Variants in FRMD6 observed in about 807,000 individuals in gnomAD.
FRMD6 encodes FERM domain containing 6.
Under a neutral mutation model 73.2 loss-of-function variants are expected in FRMD6, and 37 were observed. The observed-to-expected ratio is 0.51, with a 90% CI of 0.39 to 0.66. The LOEUF (loss-of-function observed/expected upper bound fraction) is 0.66. FRMD6 is among the 30% of genes least tolerant of loss of function. The probability of loss-of-function intolerance (pLI) is 0.00; values close to 1 mark genes in which losing one functional copy is unlikely to be tolerated. For missense variants in FRMD6, 714 were observed against 780.5 expected, an observed-to-expected ratio of 0.91 and a Z score of 1.02; for synonymous variants, 273 against 282.2, an observed-to-expected ratio of 0.97 and a Z score of 0.33.
intron 2 of FRMD6, among the ~76,000 whole-genome samples, chr14:51,691,588 A>ATTTTTTTTTTTTTTT (rs758677611): frequency 4.0e-5 from 3 of 75,148 alleles, no homozygotes; most frequent in Non-Finnish European, 8.4e-5. Flanking sequence ...TTTGATTTTG[A>ATTTTTTTTTTTTTTT]TTTTTTTTTT....
intron 1 of FRMD6, among the ~76,000 whole-genome samples, chr14:51,536,418 A>T (rs1787882982): frequency 6.8e-6 from 1 of 146,938 alleles, no homozygotes; most frequent in Non-Finnish European, 1.5e-5. Flanking sequence ...TAATTTATTT[A>T]TTTATTTTAT....
intron 2 of FRMD6, among the ~76,000 whole-genome samples, chr14:51,634,620 A>G (rs894145228): frequency 3.9e-5 from 6 of 152,250 alleles, no homozygotes; most frequent in East Asian, 1.9e-4. Flanking sequence ...GGAAAAAAAA[A>G]AGATAAATTT....
chr14:51,706,521 T>G (rs72675836), intron 6 of FRMD6, among the ~76,000 whole-genome samples: 7,543 of 152,160 alleles, frequency 0.05, 203 homozygotes, highest in Middle Eastern at 0.078. Flanking sequence ...CCTTGAACTT[T>G]AGGCTCTGGC....
chr14:51,699,170 G>C lies in FRMD6; in HGVS notation c.190+938G>C, dbSNP rs1896133798. 2.0e-5 allele frequency among the ~76,000 whole-genome samples: 3 copies of C among 152,048 alleles called. No homozygotes were observed. In the South Asian group the frequency reaches 6.2e-4, roughly 31 times the overall value. On this transcript the variant is annotated intron_variant, in intron 3 of 13. Transcript: ENST00000344768. ...TCCCCCAAAATGTAGACTGTTTTCA[G>C]TTGCCTTTTTAGGAGAGGCTAAAGA...
intron 2 of FRMD6, among the ~76,000 whole-genome samples, chr14:51,635,998 T>C (rs1891540293): frequency 6.6e-6 from 1 of 152,212 alleles, no homozygotes; most frequent in African/African-American, 2.4e-5. Flanking sequence ...TGGACAGGTC[T>C]ATACAAACCT....
intron 1 of FRMD6, among the ~76,000 whole-genome samples, chr14:51,655,903 G>A (rs978767128): frequency 2.6e-5 from 4 of 152,102 alleles, no homozygotes; most frequent in Admixed American, 6.5e-5. Context: ...ACTGTATCCC[G>A]TACACTCCAA....
At chr14:51,439,340 G>A in the FRMD6 span, among the ~76,000 whole-genome samples, 1 of 152,162 alleles carries the variant, frequency 6.6e-6, no homozygotes, top group East Asian at 1.9e-4. Flanking sequence ...CTAAGAGATT[G>A]GCTCATTTTT....
chr14:51,679,434 G>A (rs1472608461), intron 1 of FRMD6, among the ~76,000 whole-genome samples: 1 of 150,904 alleles, frequency 6.6e-6, no homozygotes, highest in Non-Finnish European at 1.5e-5. Flanking sequence ...TACAGAGAGA[G>A]CAAATAATTT....
chr14:51,480,350 C>T, the FRMD6 span, among the ~76,000 whole-genome samples: 3 of 152,096 alleles, frequency 2.0e-5, no homozygotes, highest in African/African-American at 7.2e-5. Context: ...CTGAGATTTA[C>T]GGGGATCACA....
chr14:51,597,871 G>A (rs935214960), intron 2 of FRMD6, among the ~76,000 whole-genome samples: 13 of 152,130 alleles, frequency 8.5e-5, no homozygotes, highest in Non-Finnish European at 1.5e-4. Context: ...AGCGCCCAAG[G>A]CTGCCTTGCC....
chr14:51,415,548 A>T, the FRMD6 span, among the ~76,000 whole-genome samples: 1 of 152,192 alleles, frequency 6.6e-6, no homozygotes, highest in East Asian at 1.9e-4. Flanking sequence ...TGCTGGATTC[A>T]GTTGGCCAGT....
At chr14:51,554,645 G>C (rs1355521784) in intron 1 of FRMD6, 3 of 152,136 alleles carry the variant, frequency 2.0e-5, no homozygotes, top group African/African-American at 7.2e-5. Flanking sequence ...CCAATAAAGG[G>C]ACATTCTACA....
chr14:51,458,965 G>A, the FRMD6 span, among the ~76,000 whole-genome samples: 16 of 152,360 alleles, frequency 1.1e-4, no homozygotes, highest in African/African-American at 3.8e-4. Context: ...CGAATTAGCA[G>A]AGATGGCAGA....
At chr14:51,406,969 A>G in the FRMD6 span, among the ~76,000 whole-genome samples, 1 of 152,144 alleles carries the variant, frequency 6.6e-6, no homozygotes, top group Non-Finnish European at 1.5e-5. Flanking sequence ...TTTTTGTATC[A>G]GACAAACTTG....
At chr14:51,396,558 TGATTCAG>T in the FRMD6 span, among the ~76,000 whole-genome samples, 181 of 152,328 alleles carry the variant, frequency 1.2e-3, no homozygotes, top group African/African-American at 4.2e-3. Flanking sequence ...CTGAAGTTAA[TGATTCAG>T]GAGTCACCAT....
chr14:51,633,631 A>G (rs1891428416), intron 2 of FRMD6, among the ~76,000 whole-genome samples: 1 of 150,444 alleles, frequency 6.6e-6, no homozygotes. Context: ...AGAAATAATT[A>G]TATGTCATAG....
intron 1 of FRMD6, among the ~76,000 whole-genome samples, chr14:51,676,968 A>C (rs188485777): frequency 7.2e-5 from 11 of 152,238 alleles, no homozygotes; most frequent in Admixed American, 5.9e-4. Flanking sequence ...ACATGTGAAC[A>C]TAAGAACCTT....
the FRMD6 span, chr14:51,436,763 G>A: frequency 1.8e-6 from 1 of 541,514 alleles, no homozygotes; most frequent in South Asian, 1.8e-5. Context: ...TGAAGAAGGA[G>A]AAGGAGAAGA....
Position 51,658,667 on chromosome 14 carries a change from G to A in FRMD6, c.-147+6671G>A, listed in dbSNP as rs550120990. On this transcript the variant is annotated intron_variant, in intron 1 of 13. Coordinates refer to ENST00000344768, the MANE Select transcript of FRMD6 (RefSeq NM_001267046.2). ...CTGAGAGCAGCAGTGAAATTCTGAC[G>A]CTAAAATCTGTGGCAGTCTCCAGGA... is the stretch of plus-strand genomic sequence containing the variant. Among the ~76,000 whole-genome samples the A allele has an allele frequency of 9.2e-5, 14 of 152,028 alleles. No individual in the cohort carries two copies. In the East Asian group the frequency reaches 9.6e-4, roughly 10 times the overall value.
Sources: allele counts gnomAD v4.1 joint callset (sites outside exome capture counted in the v4.1 genomes callset), GRCh38; gene constraint gnomAD v4.1.1; transcripts MANE v1.5; gene names NCBI Gene and HGNC (gene_info 2026-07-23, HGNC 2026-07-21).